The following TAFA5 variants were observed in gnomAD, a reference collection of about 807,000 sequenced individuals.
The protein encoded by TAFA5 is TAFA chemokine like family member 5, also known as chemokine-like protein TAFA-5.
In TAFA5, 6 loss-of-function variants were observed where a neutral mutation model predicts 15.3. That is an observed-to-expected ratio of 0.39 (90% CI 0.21 to 0.77). The LOEUF (loss-of-function observed/expected upper bound fraction) is 0.77. Among genes scored for constraint, TAFA5 ranks in the 30% least tolerant of loss-of-function variants. TAFA5 has a pLI of 0.41. For synonymous variants in TAFA5, 103 were observed against 80.7 expected (o/e 1.28, Z -1.48); for missense variants, 161 against 193.1 (o/e 0.83, Z 0.98).
intron 1 of TAFA5, among the ~76,000 whole-genome samples, chr22:48,535,534 C>T (rs1569015557): frequency 6.6e-6 from 1 of 152,250 alleles, no homozygotes; most frequent in Non-Finnish European, 1.5e-5. Flanking sequence ...CATGTATGAG[C>T]ACTCGTGCCT....
chr22:48,706,074 TGCCCTG>T (rs1929069015), intron 2 of TAFA5, among the ~76,000 whole-genome samples: 1 of 152,216 alleles, frequency 6.6e-6, no homozygotes, highest in Admixed American at 6.5e-5. Context: ...GGGCCACTCT[TGCCCTG>T]GGCCTGGGTG....
chr22:48,583,675 T>A (rs1269810896), intron 1 of TAFA5, among the ~76,000 whole-genome samples: 1 of 142,898 alleles, frequency 7.0e-6, no homozygotes, highest in African/African-American at 2.6e-5. Context: ...CACACATGCC[T>A]CACATCACAC....
chr22:48,627,599 C>T (rs567350500), intron 1 of TAFA5, among the ~76,000 whole-genome samples: 9 of 152,362 alleles, frequency 5.9e-5, no homozygotes, highest in African/African-American at 1.7e-4. Context: ...TTAATGGGGG[C>T]GAGTAGCAGG....
In TAFA5 at chr22:48,512,941, A is replaced by AGAG. The variant is rs1186968983; in HGVS notation, c.112+23237_112+23238insGAG. Among the ~76,000 whole-genome samples, 20 of 147,762 alleles carry AGAG rather than the reference A, an allele frequency of 1.4e-4. No individual in the cohort carries two copies. In the East Asian group the frequency reaches 2.4e-3, roughly 18 times the overall value. On this transcript the variant is annotated intron_variant, in intron 1 of 3. Transcript: ENST00000402357. ...CTGTCTCAAAAAAAAAAAAAAAAAA[A>AGAG]AAAGAGAGAGAGAGAGAGACTAACT...
At chr22:48,653,770 G>A (rs1382467501) in intron 2 of TAFA5, among the ~76,000 whole-genome samples, 2 of 152,142 alleles carry the variant, frequency 1.3e-5, no homozygotes, top group Non-Finnish European at 2.9e-5. Flanking sequence ...TTCCTTGAAT[G>A]TCCCCCTCTG....
chr22:48,648,335 G>A (rs1013348537), intron 2 of TAFA5, among the ~76,000 whole-genome samples: 6 of 152,140 alleles, frequency 3.9e-5, no homozygotes, highest in Admixed American at 2.0e-4. Flanking sequence ...TGGGGGCTCC[G>A]GATGCCCAAC....
chr22:48,521,265 A>T (rs1921591455), intron 1 of TAFA5, among the ~76,000 whole-genome samples: 1 of 151,818 alleles, frequency 6.6e-6, no homozygotes, highest in South Asian at 2.1e-4. Context: ...CATTCCAGGA[A>T]CCCCTCTTCC....
intron 1 of TAFA5, among the ~76,000 whole-genome samples, chr22:48,534,696 C>T (rs537078855): frequency 2.6e-5 from 4 of 152,298 alleles, no homozygotes; most frequent in African/African-American, 7.2e-5. Context: ...GGAGAGGCTG[C>T]GCCCCCTCCA....
At chr22:48,704,625 G>T (rs371561994) in intron 2 of TAFA5, among the ~76,000 whole-genome samples, 46 of 151,794 alleles carry the variant, frequency 3.0e-4, no homozygotes, top group African/African-American at 1.1e-3. Context: ...AAGCCGGGGG[G>T]TTCCCTATCC....
intron 3 of TAFA5, among the ~76,000 whole-genome samples, chr22:48,743,302 C>T (rs1930234686): frequency 6.6e-6 from 1 of 152,234 alleles, no homozygotes; most frequent in African/African-American, 2.4e-5. Context: ...GTCCTCCCTG[C>T]CTCTTGCAGC....
intron 3 of TAFA5, among the ~76,000 whole-genome samples, chr22:48,745,417 C>T (rs939363671): frequency 7.5e-4 from 110 of 147,588 alleles, no homozygotes; most frequent in African/African-American, 2.1e-3. Context: ...ACGGCTTTGT[C>T]GTCGGCGGCT....
In TAFA5 at chr22:48,538,716, G is replaced by A. The variant is rs574910233; in HGVS notation, c.112+49012G>A. 3.0e-4 allele frequency among the ~76,000 whole-genome samples: 46 copies of A among 152,288 alleles called. No homozygotes were observed. The South Asian group carries it at 8.7e-3, about 29-fold the overall frequency. On this transcript the variant is annotated intron_variant, in intron 1 of 3. Transcript: ENST00000402357. Reference sequence around the variant, plus strand: ...ATGGTCTTGCCGTGGGAAATCGCAGGACACCAAACTCAACCTCCGGAGCTC... The same window carrying A: ...ATGGTCTTGCCGTGGGAAATCGCAGAACACCAAACTCAACCTCCGGAGCTC...
At chr22:48,602,361 G>A (rs1453837502) in intron 1 of TAFA5, among the ~76,000 whole-genome samples, 1 of 152,220 alleles carries the variant, frequency 6.6e-6, no homozygotes, top group Non-Finnish European at 1.5e-5. Context: ...CAGGGTCCCT[G>A]GGTGACGGCT....
intron 1 of TAFA5, among the ~76,000 whole-genome samples, chr22:48,546,145 G>A (rs1922659385): frequency 6.6e-6 from 1 of 152,210 alleles, no homozygotes; most frequent in South Asian, 2.1e-4. Context: ...GGGAGGAGGA[G>A]GGCTCCCCTT....
intron 2 of TAFA5, among the ~76,000 whole-genome samples, chr22:48,707,182 A>T (rs130140): frequency 0.66 from 98,769 of 150,536 alleles, 32,946 homozygotes; most frequent in Non-Finnish European, 0.71. Context: ...CGGGAGTAGG[A>T]TGGGGGCCAG....
rs117033898 is a variant in TAFA5, at chr22:48,665,314, C to T, written c.262+18568C>T. On this transcript the variant is annotated intron_variant, in intron 2 of 3. Coordinates refer to ENST00000402357, the MANE Select transcript of TAFA5 (RefSeq NM_001082967.3). Reference sequence around the variant, plus strand: ...GCTCTTCCTATATGCTCCATTCAAGCCTGTGTTTATTCTGTGGCTGGCCTT... The same window carrying T: ...GCTCTTCCTATATGCTCCATTCAAGTCTGTGTTTATTCTGTGGCTGGCCTT... 2.5e-3 allele frequency among the ~76,000 whole-genome samples: 379 copies of T among 152,240 alleles called. 10 individuals carry two copies. In the East Asian group the frequency reaches 0.058, roughly 23 times the overall value.
intron 1 of TAFA5, among the ~76,000 whole-genome samples, chr22:48,522,781 C>T (rs910611237): frequency 2.0e-5 from 3 of 152,234 alleles, no homozygotes; most frequent in Non-Finnish European, 4.4e-5. Flanking sequence ...AACTGTAAGT[C>T]GGCCCAAGGA....
intron 1 of TAFA5, among the ~76,000 whole-genome samples, chr22:48,608,723 C>T (rs1171827529): frequency 6.6e-6 from 1 of 152,166 alleles, no homozygotes; most frequent in Non-Finnish European, 1.5e-5. Flanking sequence ...GCCATGATTA[C>T]TTGAGGAACT....
At chr22:48,732,734 A>G (rs1929903727) in intron 3 of TAFA5, among the ~76,000 whole-genome samples, 1 of 152,248 alleles carries the variant, frequency 6.6e-6, no homozygotes, top group South Asian at 2.1e-4. Flanking sequence ...CTCAAACAGC[A>G]TCGCATGCTA....
Sources: allele counts gnomAD v4.1 joint callset (sites outside exome capture counted in the v4.1 genomes callset), GRCh38; gene constraint gnomAD v4.1.1; transcripts MANE v1.5; gene names NCBI Gene and HGNC (gene_info 2026-07-23, HGNC 2026-07-21).